The following NAA35 variants were observed in gnomAD, a reference collection of about 807,000 sequenced individuals.
NAA35 encodes MAK10 homolog, amino-acid N-acetyltransferase subunit.
NAA35 carries 18 observed loss-of-function variants against 101.7 expected under a neutral mutation model. The ratio of observed to expected loss-of-function variants is 0.18; its 90% confidence interval spans 0.12 to 0.26. The LOEUF is 0.26. Ranked by LOEUF, NAA35 falls within the 10% of genes least tolerant of loss-of-function variation. NAA35 has a pLI of 1.00. For synonymous variants in NAA35, 267 were observed against 273.1 expected (o/e 0.98, Z 0.22); for missense variants, 601 against 886.8 (o/e 0.68, Z 4.09).
rs181655624 is a variant in NAA35 at position 85,958,352 on chromosome 9, A to T, written c.159-120A>T. On this transcript the variant is annotated intron_variant, in intron 3 of 22. Transcript: ENST00000361671. ...GAAATAGAAGTGTTAGCAAGTTGAGAAGACTAAATGCATAGAATACTTTAG... is the reference window on the plus strand; with the variant it reads ...GAAATAGAAGTGTTAGCAAGTTGAGTAGACTAAATGCATAGAATACTTTAG... 794 of 543,324 alleles carry T rather than the reference A, an allele frequency of 1.5e-3. 1 individual carries two copies. The highest frequency in any genetic ancestry group is 2.2e-3 in the Non-Finnish European group (695 of 311,030). 33.7% of individuals were successfully genotyped at this position (543,324 alleles called of 1,614,324 possible).
chr9:85,950,331 C>T (rs991654496), intron 2 of NAA35, among the ~76,000 whole-genome samples: 12 of 152,146 alleles, frequency 7.9e-5, no homozygotes, highest in Admixed American at 6.5e-4. Flanking sequence ...CTGTAACCTC[C>T]GTCTCCTGGG....
At chr9:85,984,249 A>G (rs1429338524) in intron 11 of NAA35, among the ~76,000 whole-genome samples, 1 of 152,164 alleles carries the variant, frequency 6.6e-6, no homozygotes, top group African/African-American at 2.4e-5. Context: ...GGATTGCCTG[A>G]GCCCAGGAGG....
chr9:86,018,204 C>G (rs1311293636), intron 19 of NAA35, 51 bp from the exon 20 acceptor site: 6 of 1,543,264 alleles, frequency 3.9e-6, no homozygotes, highest in East Asian at 2.3e-5. Flanking sequence ...GATGAGTGTT[C>G]ACTTTTTTCA....
At chr9:85,953,027 T>C (rs1305555665) in intron 2 of NAA35, among the ~76,000 whole-genome samples, 1 of 152,024 alleles carries the variant, frequency 6.6e-6, no homozygotes, top group Non-Finnish European at 1.5e-5. Flanking sequence ...CCAAGCAACA[T>C]GATGAAACCC....
intron 11 of NAA35, among the ~76,000 whole-genome samples, chr9:85,980,354 T>TACTCCA (rs199657137): frequency 0.016 from 2,464 of 152,212 alleles, 63 homozygotes; most frequent in African/African-American, 0.054. Flanking sequence ...CTGGAAGTTG[T>TACTCCA]GGGGTGGGGC....
intron 2 of NAA35, among the ~76,000 whole-genome samples, chr9:85,955,351 TATATA>T (rs1322500358): frequency 0.015 from 1,207 of 81,280 alleles, 35 homozygotes; most frequent in African/African-American, 0.05. Context: ...TATATATATA[TATATA>T]TATATTTTTT....
rs1334998721 is a variant in NAA35, at chr9:86,004,185, A to G, written c.1116+541A>G. On this transcript the variant is annotated intron_variant, in intron 13 of 22. Coordinates refer to ENST00000361671, the MANE Select transcript of NAA35 (RefSeq NM_024635.4). Reference sequence around the variant, plus strand: ...AGTGGCATGCTCTTGGCTAACTGCAATCTCCGCCTCCCGGGTTCAAGTGAT... The same window carrying G: ...AGTGGCATGCTCTTGGCTAACTGCAGTCTCCGCCTCCCGGGTTCAAGTGAT... Among the ~76,000 whole-genome samples, 10 of 152,160 alleles carry G rather than the reference A, an allele frequency of 6.6e-5. No homozygotes were observed. In the South Asian group the frequency reaches 1.2e-3, roughly 19 times the overall value.
chr9:85,990,783 G>A (rs533578567), intron 11 of NAA35, among the ~76,000 whole-genome samples: 1 of 152,362 alleles, frequency 6.6e-6, no homozygotes, highest in South Asian at 2.1e-4. Context: ...ATGGGAGATA[G>A]GAGTAGCCTG....
intron 15 of NAA35, among the ~76,000 whole-genome samples, chr9:86,010,250 T>TAAC (rs200910150): frequency 0.014 from 2,134 of 150,910 alleles, 48 homozygotes; most frequent in African/African-American, 0.048. Flanking sequence ...TCAATAACCA[T>TAAC]AATAATAATA....
intron 6 of NAA35, among the ~76,000 whole-genome samples, chr9:85,962,506 A>AAAG (rs907202687): frequency 6.6e-6 from 1 of 151,548 alleles, no homozygotes; most frequent in African/African-American, 2.4e-5. Flanking sequence ...AAAAAAAAAA[A>AAAG]AAAGAAAGAA....
intron 6 of NAA35, among the ~76,000 whole-genome samples, chr9:85,963,312 C>T (rs1258330279): frequency 7.1e-6 from 1 of 140,692 alleles, no homozygotes; most frequent in African/African-American, 2.7e-5. Flanking sequence ...GTCCTGTTGC[C>T]CAGGTTGGAG....
rs1351179625 is a variant in NAA35, at chr9:86,022,801, G to C, written c.*841G>C. ...GTGCTTGCAAGTGCCTGCTGCCAGA[G>C]GCCCTCCCCTTCCTTTCCTGCTTGT... On this transcript the variant is annotated 3_prime_UTR_variant, in exon 23 of 23. Coordinates refer to ENST00000361671, the MANE Select transcript of NAA35 (RefSeq NM_024635.4). Among the ~76,000 whole-genome samples the C allele has an allele frequency of 1.3e-5, 2 of 152,126 alleles. No individual in the cohort carries two copies. Among genetic ancestry groups the C allele is most frequent in the Non-Finnish European group, 2.9e-5 (2 of 68,030 alleles).
chr9:85,942,343 C>T, intron 2 of NAA35, 60 bp downstream of exon 2: 2 of 1,577,824 alleles, frequency 1.3e-6, no homozygotes, highest in East Asian at 2.2e-5. Flanking sequence ...GACGATTGTG[C>T]TTTCTAAACT....
chr9:86,022,117 C>A lies in NAA35; in HGVS notation c.*157C>A. 3.5e-6 allele frequency: 2 copies of A among 573,108 alleles called. No individual in the cohort carries two copies. The allele number at this position is 573,108 out of a possible 1,614,324, so 35.5% of individuals were successfully genotyped here. A position where few individuals can be genotyped will look rare whatever the true frequency, so the allele number is the denominator to read the frequency against. ...CTTTTAGTTTGACAGCCTTATATGA[C>A]ATGAATGAAAACTGCTGTTTTAAAG... is the stretch of plus-strand genomic sequence containing the variant. On this transcript the variant is annotated 3_prime_UTR_variant, in exon 23 of 23. Transcript: ENST00000361671.
chr9:85,963,409 T>A lies in NAA35; in HGVS notation c.516+1229T>A, dbSNP rs545629017. Among the ~76,000 whole-genome samples the A allele has an allele frequency of 5.9e-5, 9 of 151,946 alleles. No individual in the cohort carries two copies. The South Asian group carries it at 1.0e-3, about 18-fold the overall frequency. On this transcript the variant is annotated intron_variant, in intron 6 of 22. Transcript: ENST00000361671. Reference sequence around the variant, plus strand: ...CCTCAGCCTCCCGGGTAGCTGGGATTACAGGCGTGCACCACCATGCCTGGC... The same window carrying A: ...CCTCAGCCTCCCGGGTAGCTGGGATAACAGGCGTGCACCACCATGCCTGGC...
At chr9:85,959,768 A>G (rs372301551) in intron 4 of NAA35, 25 bp from the exon 5 acceptor site, 5 of 1,567,694 alleles carry the variant, frequency 3.2e-6, no homozygotes, top group South Asian at 2.3e-5. Context: ...TTCTGCTTAT[A>G]TGTCACATTC....
intron 15 of NAA35, among the ~76,000 whole-genome samples, chr9:86,010,684 C>T (rs973746775): frequency 2.7e-5 from 4 of 150,610 alleles, no homozygotes; most frequent in Admixed American, 1.3e-4. Context: ...ACGCCATTCT[C>T]CTGCCTCAGC....
At chr9:85,952,970 G>C (rs1829084381) in intron 2 of NAA35, among the ~76,000 whole-genome samples, 1 of 152,140 alleles carries the variant, frequency 6.6e-6, no homozygotes, top group Non-Finnish European at 1.5e-5. Flanking sequence ...CAGCACTTTA[G>C]GACGCCAAGG....
At chr9:86,021,701 C>T (rs545654975) in intron 22 of NAA35, among the ~76,000 whole-genome samples, 200 bp from the exon 23 acceptor site, 26 of 152,288 alleles carry the variant, frequency 1.7e-4, no homozygotes, top group African/African-American at 5.8e-4. Flanking sequence ...TTATGATCTT[C>T]ATAAAACTCA....
Sources: gnomAD v4.1 joint callset for allele counts (sites outside exome capture counted in the v4.1 genomes callset) on GRCh38, gnomAD v4.1.1 for gene constraint, MANE v1.5 for transcripts, NCBI Gene and HGNC (gene_info 2026-07-23, HGNC 2026-07-21) for gene names.